Variants in CPEB3 observed in about 807,000 individuals in gnomAD.
CPEB3 encodes the protein cytoplasmic polyadenylation element-binding protein 3.
In CPEB3, 20 loss-of-function variants were observed where a neutral mutation model predicts 67.2. The observed-to-expected ratio is 0.30, with a 90% CI of 0.21 to 0.43. CPEB3 has a LOEUF of 0.43. Among genes scored for constraint, CPEB3 ranks in the 20% least tolerant of loss-of-function variants. The pLI, the probability that CPEB3 is intolerant of heterozygous loss-of-function variation, is 1.00. For synonymous variants in CPEB3, 376 were observed against 393.1 expected, an observed-to-expected ratio of 0.96 and a Z score of 0.51; for missense variants, 746 against 968.6, an observed-to-expected ratio of 0.77 and a Z score of 3.05.
chr10:92,262,049 T>C (rs1436039131), intron 1 of CPEB3, among the ~76,000 whole-genome samples: 4 of 152,192 alleles, frequency 2.6e-5, no homozygotes, highest in Non-Finnish European at 5.9e-5. Context: ...TATCTATAGG[T>C]TTTTGGCATA....
rs751865960 is a variant in CPEB3 at position 92,239,988 on chromosome 10, G to T, written c.363C>A (p.Asp121Glu). ...WSTGTTNAVE[D>E]SFFQGITPVN... The stretch of plus-strand genomic sequence containing the variant: ...CTGGGGTGATCCCCTGGAAGAAGCT[G>T]TCCTCTACCGCGTTGGTGGTGCCCG... The change falls in exon 2 of 10, where the codon GAC (aspartate) becomes GAA (glutamate). Residue 121 changes from aspartate to glutamate, a missense_variant. Asp to Glu is a conservative substitution (Grantham distance 45). Coordinates refer to ENST00000265997, the MANE Select transcript of CPEB3 (RefSeq NM_014912.5). This position sits in a 1 kb window ranked among gnomAD's most constrained non-coding sequence, Gnocchi z 6.0. 45 of 1,612,142 alleles carry T rather than the reference G, an allele frequency of 2.8e-5. No homozygotes were observed. The Admixed American group carries it at 4.4e-4, about 16-fold the overall frequency.
At chr10:92,064,701 T>C (rs1842480986) in intron 9 of CPEB3, among the ~76,000 whole-genome samples, 1 of 152,210 alleles carries the variant, frequency 6.6e-6, no homozygotes, top group African/African-American at 2.4e-5. Context: ...TCCTACACTA[T>C]GCTGGCTGAA....
At chr10:92,237,152 G>A (rs1851579374) in intron 2 of CPEB3, among the ~76,000 whole-genome samples, 1 of 152,090 alleles carries the variant, frequency 6.6e-6, no homozygotes, top group Admixed American at 6.6e-5. Flanking sequence ...ACACAAACTT[G>A]GTACGGTTAT....
chr10:92,139,694 T>C (rs1309843720), intron 6 of CPEB3, among the ~76,000 whole-genome samples: 1 of 152,232 alleles, frequency 6.6e-6, no homozygotes, highest in African/African-American at 2.4e-5. Context: ...ATAATTGGAA[T>C]GTTTATAACA....
intron 6 of CPEB3, among the ~76,000 whole-genome samples, chr10:92,111,772 C>A (rs936870947): frequency 6.6e-6 from 1 of 152,136 alleles, no homozygotes; most frequent in East Asian, 1.9e-4. Context: ...ATGCTGAAAA[C>A]CACTGACATG....
chr10:92,095,602 T>TATATATA, intron 7 of CPEB3, among the ~76,000 whole-genome samples: 1 of 73,564 alleles, frequency 1.4e-5, no homozygotes, highest in Non-Finnish European at 2.8e-5. Flanking sequence ...ATATATATAT[T>TATATATA]TTTTTTTTTT....
At chr10:92,154,585 G>A (rs571932797) in intron 4 of CPEB3, among the ~76,000 whole-genome samples, 6 of 152,018 alleles carry the variant, frequency 3.9e-5, no homozygotes, top group East Asian at 1.9e-4. Flanking sequence ...GAGTTTCACC[G>A]CCTGTTTCAA....
chr10:92,071,009 G>A (rs1842729698), intron 9 of CPEB3, among the ~76,000 whole-genome samples: 1 of 151,736 alleles, frequency 6.6e-6, no homozygotes, highest in South Asian at 2.1e-4. Flanking sequence ...TTGACATAAT[G>A]TGTTATCAGT....
chr10:92,253,408 C>T (rs1227985162), intron 1 of CPEB3, among the ~76,000 whole-genome samples: 3 of 135,642 alleles, frequency 2.2e-5, no homozygotes, highest in Admixed American at 8.4e-5. Context: ...TGCAGTGAGC[C>T]GAGATCGCAC....
Position 92,240,045 on chromosome 10 carries a change from C to T in CPEB3, c.306G>A (p.Ser102=). The T allele has an allele frequency of 6.3e-7, 1 of 1,597,550 alleles. No individual in the cohort carries two copies. The highest frequency in any genetic ancestry group is 8.5e-7 in the Non-Finnish European group (1 of 1,172,378). ...PPQEPAAPGA[S]LSPSFGSTWS... Reference sequence around the variant, plus strand: ...AGGTGCTGCCGAAGGACGGCGACAGCGACGCGCCCGGTGCCGCGGGCTCCT... The same window carrying T: ...AGGTGCTGCCGAAGGACGGCGACAGTGACGCGCCCGGTGCCGCGGGCTCCT... The change falls in exon 2 of 10, where the codon TCG becomes TCA. Residue 102 remains serine, a synonymous_variant. Transcript: ENST00000265997.
At chr10:92,264,857 T>C (rs945841068) in intron 1 of CPEB3, among the ~76,000 whole-genome samples, 13 of 151,962 alleles carry the variant, frequency 8.6e-5, no homozygotes, top group African/African-American at 2.2e-4. Context: ...TTGCACAACA[T>C]AGACTCTTGT....
At chr10:92,271,145 C>T (rs1160881672) in intron 1 of CPEB3, among the ~76,000 whole-genome samples, 1 of 152,110 alleles carries the variant, frequency 6.6e-6, no homozygotes, top group African/African-American at 2.4e-5. Flanking sequence ...ATCGCACCAC[C>T]GCATTCCAGC....
At chr10:92,056,115 C>T (rs1285972803) in intron 9 of CPEB3, among the ~76,000 whole-genome samples, 1 of 152,174 alleles carries the variant, frequency 6.6e-6, no homozygotes, top group Non-Finnish European at 1.5e-5. Flanking sequence ...TTCCAGAGGG[C>T]AGTCTTCCAG....
intron 4 of CPEB3, among the ~76,000 whole-genome samples, chr10:92,145,659 A>C (rs959036112): frequency 5.9e-5 from 9 of 151,972 alleles, no homozygotes; most frequent in Non-Finnish European, 8.8e-5. Flanking sequence ...AAAGCATCAA[A>C]ATTTCAGTGG....
At chr10:92,246,429 C>A (rs1852071817) in intron 1 of CPEB3, among the ~76,000 whole-genome samples, 2 of 151,754 alleles carry the variant, frequency 1.3e-5, no homozygotes, top group African/African-American at 4.8e-5. Context: ...TTTTCAAGTA[C>A]TCCAAAGTAA....
intron 1 of CPEB3, among the ~76,000 whole-genome samples, chr10:92,264,102 G>A (rs1021624802): frequency 3.9e-5 from 6 of 152,120 alleles, no homozygotes; most frequent in Non-Finnish European, 8.8e-5. Context: ...GCCGAGGCAG[G>A]CAGATCACCT....
At position 92,052,368 on chromosome 10, in the gene CPEB3, C is replaced by T. The variant is rs1173377510; in HGVS notation, c.1941G>A (p.Lys647=). 3 of 1,614,128 alleles carry T rather than the reference C, an allele frequency of 1.9e-6. No individual in the cohort carries two copies. The African/African-American group carries it at 4.0e-5, about 22-fold the overall frequency. Residue 647 remains lysine (K), a synonymous_variant, in exon 10 of 10, where the codon AAG becomes AAA. Coordinates refer to ENST00000265997, the MANE Select transcript of CPEB3 (RefSeq NM_014912.5). The part of the protein sequence containing the change: ...DECQGTRCGG[K]FAPFFCANVT... ...CGTTGGCACAGAAGAACGGGGCAAA[C>T]TTCCCACCACAGCGTGTGCCCTGGC...
chr10:92,063,211 T>C (rs77405158), intron 9 of CPEB3, among the ~76,000 whole-genome samples: 2,423 of 152,332 alleles, frequency 0.016, 62 homozygotes, highest in African/African-American at 0.056. Flanking sequence ...CATTTTGTTA[T>C]TACTCAAAAA....
At chr10:92,122,093 T>C (rs927966180) in intron 6 of CPEB3, among the ~76,000 whole-genome samples, 12 of 152,142 alleles carry the variant, frequency 7.9e-5, no homozygotes, top group African/African-American at 2.7e-4. Context: ...AGAAGAACCC[T>C]GATCCAGAAA....
Sources: allele counts gnomAD v4.1 joint callset (sites outside exome capture counted in the v4.1 genomes callset), GRCh38; gene constraint gnomAD v4.1.1; non-coding constraint Gnocchi (gnomAD v3.1); transcripts MANE v1.5; gene names NCBI Gene and HGNC (gene_info 2026-07-23, HGNC 2026-07-21).